The following PALM2AKAP2 variants were observed in gnomAD, a reference collection of about 807,000 sequenced individuals.
PALM2AKAP2 encodes PALM2-AKAP2 fusion protein.
PALM2AKAP2 carries 37 observed loss-of-function variants against 71.5 expected under a neutral mutation model. That is an observed-to-expected ratio of 0.52 (90% CI 0.40 to 0.68). PALM2AKAP2 has a LOEUF of 0.68. Among genes scored for constraint, PALM2AKAP2 ranks in the 30% least tolerant of loss-of-function variants. The probability of loss-of-function intolerance (pLI) is 0.00; values close to 1 mark genes in which losing one functional copy is unlikely to be tolerated. For synonymous variants in PALM2AKAP2, 468 were observed against 478.8 expected (o/e 0.98, Z 0.29); for missense variants, 1,224 against 1,191.8 (o/e 1.03, Z -0.40).
intron 6 of PALM2AKAP2, among the ~76,000 whole-genome samples, chr9:109,982,405 G>A (rs1195664075): frequency 6.6e-6 from 1 of 152,086 alleles, no homozygotes; most frequent in Non-Finnish European, 1.5e-5. Context: ...AGCACGAAGG[G>A]TAACTACAGT....
chr9:109,756,519 A>G (rs1828966622), intron 1 of PALM2AKAP2, among the ~76,000 whole-genome samples: 1 of 152,120 alleles, frequency 6.6e-6, no homozygotes, highest in South Asian at 2.1e-4. Context: ...CTTTTGGCCA[A>G]TTTTATCAGT....
chr9:109,783,442 G>A (rs1188412863), intron 1 of PALM2AKAP2, among the ~76,000 whole-genome samples: 1 of 151,880 alleles, frequency 6.6e-6, no homozygotes, highest in Non-Finnish European at 1.5e-5. Flanking sequence ...GGGATTACAG[G>A]CATGTGCCAC....
chr9:109,985,385 C>T (rs1268183969), intron 6 of PALM2AKAP2, among the ~76,000 whole-genome samples: 3 of 151,416 alleles, frequency 2.0e-5, no homozygotes, highest in Admixed American at 1.3e-4. Context: ...TTTGGGAGGC[C>T]GAGGTGGGCC....
chr9:109,780,850 C>A (rs1200558332), intron 1 of PALM2AKAP2, among the ~76,000 whole-genome samples: 1 of 152,156 alleles, frequency 6.6e-6, no homozygotes, highest in Non-Finnish European at 1.5e-5. Context: ...TGACCGAATG[C>A]TCAGGCATAC....
chr9:110,038,492 G>T (rs771757060), intron 7 of PALM2AKAP2, among the ~76,000 whole-genome samples: 4 of 152,160 alleles, frequency 2.6e-5, no homozygotes, highest in Non-Finnish European at 5.9e-5. Flanking sequence ...GGTCGGGTGA[G>T]TTTGGAGAAA....
At chr9:109,660,539 T>C (rs1314383807) in intron 1 of PALM2AKAP2, among the ~76,000 whole-genome samples, 1 of 151,464 alleles carries the variant, frequency 6.6e-6, no homozygotes, top group Non-Finnish European at 1.5e-5. Context: ...TCCTTTTTTA[T>C]GGCTGCATAG....
At chr9:109,838,031 A>G (rs1298130958) in intron 1 of PALM2AKAP2, among the ~76,000 whole-genome samples, 1 of 150,926 alleles carries the variant, frequency 6.6e-6, no homozygotes, top group Non-Finnish European at 1.5e-5. Context: ...AGCGGACCTA[A>G]TAGACATCTA....
chr9:109,991,383 A>G (rs1832478790), intron 6 of PALM2AKAP2, among the ~76,000 whole-genome samples: 1 of 151,702 alleles, frequency 6.6e-6, no homozygotes, highest in Admixed American at 6.6e-5. Flanking sequence ...ACTACAGGCA[A>G]GCACCACCAC....
At chr9:109,839,908 A>G (rs1160321209) in intron 1 of PALM2AKAP2, among the ~76,000 whole-genome samples, 2 of 152,252 alleles carry the variant, frequency 1.3e-5, no homozygotes, top group East Asian at 3.8e-4. Flanking sequence ...ATGGATAGGA[A>G]AAATCAATAT....
chr9:109,810,354 A>G (rs1365501180), intron 1 of PALM2AKAP2, among the ~76,000 whole-genome samples: 3 of 152,222 alleles, frequency 2.0e-5, no homozygotes, highest in Admixed American at 6.5e-5. Flanking sequence ...TGAAAATAAG[A>G]AGGGCTGGCC....
chr9:110,090,259 T>TCTG (rs1834675953), intron 1 of PALM2AKAP2: 5 of 430,646 alleles, frequency 1.2e-5, no homozygotes, highest in Admixed American at 9.8e-5. Flanking sequence ...TCCTGTGACC[T>TCTG]GGCAGAGGGC....
chr9:109,990,067 C>CTTTTTTTTTTTT (rs35739397), intron 6 of PALM2AKAP2, among the ~76,000 whole-genome samples: 5 of 134,110 alleles, frequency 3.7e-5, no homozygotes, highest in Admixed American at 7.6e-5. Context: ...TTCTTTCTTT[C>CTTTTTTTTTTTT]TTTTTTTTTT....
intron 6 of PALM2AKAP2, among the ~76,000 whole-genome samples, chr9:110,010,983 C>T (rs1426608922): frequency 1.0e-4 from 8 of 79,000 alleles, no homozygotes; most frequent in South Asian, 3.7e-4. Context: ...GCAACAAGAG[C>T]GAAACTCTGT....
chr9:110,016,888 C>T (rs1028541581), intron 7 of PALM2AKAP2, among the ~76,000 whole-genome samples: 1 of 151,452 alleles, frequency 6.6e-6, no homozygotes, highest in Non-Finnish European at 1.5e-5. Context: ...GGAGATATTT[C>T]TTTTTTTTTG....
At chr9:109,944,466 G>T (rs1248298206) in intron 6 of PALM2AKAP2, 2 of 151,794 alleles carry the variant, frequency 1.3e-5, no homozygotes, top group East Asian at 3.9e-4. Flanking sequence ...CTCCTCCCCA[G>T]TTGATTACAA....
In PALM2AKAP2 at chr9:110,163,169, TTC is replaced by T. The variant is rs561776365; in HGVS notation, c.2749-5228_2749-5227del. ...AGCACAATATTTTTCATATTTTTAT[TTC>T]TGTATTTTATTTTGATTTTAAAAGA... On this transcript the variant is annotated intron_variant, in intron 3 of 3. Coordinates refer to ENST00000374525, the Ensembl canonical transcript of PALM2AKAP2. Among the ~76,000 whole-genome samples, 428 of 152,234 alleles carry T rather than the reference TTC, an allele frequency of 2.8e-3. 1 individual carries two copies. Among genetic ancestry groups the T allele is most frequent in the African/African-American group, 9.8e-3 (407 of 41,514 alleles).
intron 2 of PALM2AKAP2, among the ~76,000 whole-genome samples, chr9:109,874,213 G>C (rs1023863841): frequency 2.0e-5 from 3 of 152,174 alleles, no homozygotes; most frequent in South Asian, 2.1e-4. Context: ...AGGGGCAAGT[G>C]GGGGAGAGAG....
chr9:110,125,048 TCA>T (rs1469820817), intron 1 of PALM2AKAP2, among the ~76,000 whole-genome samples: 1 of 152,170 alleles, frequency 6.6e-6, no homozygotes, highest in African/African-American at 2.4e-5. Flanking sequence ...GCATTTGTTA[TCA>T]CACACAGACA....
intron 3 of PALM2AKAP2, among the ~76,000 whole-genome samples, chr9:109,884,084 A>G (rs1829912017): frequency 6.6e-6 from 1 of 152,248 alleles, no homozygotes; most frequent in Non-Finnish European, 1.5e-5. Flanking sequence ...TCAGTTTTCC[A>G]GGAGCATGAT....
Sources: gnomAD v4.1 joint callset for allele counts (sites outside exome capture counted in the v4.1 genomes callset) on GRCh38, gnomAD v4.1.1 for gene constraint, MANE v1.5 for transcripts, NCBI Gene and HGNC (gene_info 2026-07-23, HGNC 2026-07-21) for gene names.